Variants in FAT3 observed in about 807,000 individuals in gnomAD.
FAT3 encodes the protein protocadherin Fat 3.
Under a neutral mutation model 310.2 loss-of-function variants are expected in FAT3, and 95 were observed. That is an observed-to-expected ratio of 0.31 (90% CI 0.26 to 0.36). The LOEUF is 0.36. FAT3 is among the 10% of genes least tolerant of loss of function. FAT3 has a pLI of 1.00. For synonymous variants in FAT3, 2,314 were observed against 2,192.9 expected, an observed-to-expected ratio of 1.06 and a Z score of -1.54; for missense variants, 5,408 against 5,715.6, an observed-to-expected ratio of 0.95 and a Z score of 1.74.
chr11:92,722,421 G>T (rs1338289893), intron 4 of FAT3, among the ~76,000 whole-genome samples: 1 of 152,196 alleles, frequency 6.6e-6, no homozygotes, highest in African/African-American at 2.4e-5. Context: ...CTGTGGCTTT[G>T]CAGGGTACAG....
At chr11:92,621,452 G>T (rs1941083294) in intron 3 of FAT3, among the ~76,000 whole-genome samples, 1 of 152,154 alleles carries the variant, frequency 6.6e-6, no homozygotes, top group South Asian at 2.1e-4. Flanking sequence ...TCCTCCTTGA[G>T]ATGTTAAAGC....
At position 92,595,633 on chromosome 11, in the gene FAT3, C is replaced by G. The variant is rs531793087; in HGVS notation, c.3607+70685C>G. Among the ~76,000 whole-genome samples the G allele has an allele frequency of 3.3e-5, 5 of 152,248 alleles. No individual in the cohort carries two copies. In the South Asian group the frequency reaches 1.0e-3, roughly 32 times the overall value. ...CACATAATGAAGTAATAATTAAGTC[C>G]TTTATAAAGGCAAGCTTATTCCCAC... On this transcript the variant is annotated intron_variant, in intron 3 of 27. Coordinates refer to ENST00000525166, the MANE Select transcript of FAT3 (RefSeq NM_001367949.2).
At chr11:92,266,023 T>G in intron 1 of FAT3, among the ~76,000 whole-genome samples, 1 of 152,180 alleles carries the variant, frequency 6.6e-6, no homozygotes, top group South Asian at 2.1e-4. Flanking sequence ...TGAACTTAAC[T>G]TTAACATTTG....
chr11:92,249,367 A>G (rs1456988752), intron 1 of FAT3, among the ~76,000 whole-genome samples: 1 of 152,074 alleles, frequency 6.6e-6, no homozygotes, highest in Non-Finnish European at 1.5e-5. Flanking sequence ...TGCAATCTGA[A>G]ATATGTCTCT....
At chr11:92,542,095 C>T (rs1954466253) in intron 3 of FAT3, among the ~76,000 whole-genome samples, 1 of 151,930 alleles carries the variant, frequency 6.6e-6, no homozygotes, top group African/African-American at 2.4e-5. Flanking sequence ...AGAAAGGACA[C>T]CCTCTTAAGT....
intron 2 of FAT3, among the ~76,000 whole-genome samples, chr11:92,368,673 T>C (rs1321947451): frequency 6.6e-6 from 1 of 152,090 alleles, no homozygotes; most frequent in Non-Finnish European, 1.5e-5. Flanking sequence ...CTGCTGTAAT[T>C]CTAGTGCCAC....
chr11:92,270,687 A>G (rs966248911), intron 1 of FAT3, among the ~76,000 whole-genome samples: 1 of 151,764 alleles, frequency 6.6e-6, no homozygotes, highest in African/African-American at 2.4e-5. Flanking sequence ...ACTTCACCTC[A>G]ATAAATAAAT....
intron 1 of FAT3, among the ~76,000 whole-genome samples, chr11:92,228,973 T>G (rs1864034184): frequency 6.6e-6 from 1 of 152,324 alleles, no homozygotes; most frequent in Non-Finnish European, 1.5e-5. Flanking sequence ...CTTTGATTGC[T>G]GAAGAAGGAC....
At chr11:92,316,802 T>C (rs566779994) in intron 1 of FAT3, among the ~76,000 whole-genome samples, 2 of 152,346 alleles carry the variant, frequency 1.3e-5, no homozygotes, top group South Asian at 2.1e-4. Flanking sequence ...TGCTGGGTAT[T>C]GAGCTCAGTA....
chr11:92,758,616 A>C (rs1461387001), intron 4 of FAT3, among the ~76,000 whole-genome samples: 1 of 152,230 alleles, frequency 6.6e-6, no homozygotes, highest in Non-Finnish European at 1.5e-5. Flanking sequence ...GGAGCCCCTG[A>C]AGAGTATTAC....
chr11:92,706,602 T>A (rs958386414), intron 4 of FAT3, among the ~76,000 whole-genome samples: 2 of 152,194 alleles, frequency 1.3e-5, no homozygotes, highest in Non-Finnish European at 2.9e-5. Flanking sequence ...TCATTTTTTT[T>A]AAAACACTGT....
At chr11:92,490,619 A>G (rs1307955161) in intron 2 of FAT3, among the ~76,000 whole-genome samples, 1 of 152,058 alleles carries the variant, frequency 6.6e-6, no homozygotes, top group Non-Finnish European at 1.5e-5. Flanking sequence ...TCTAATTCAA[A>G]TCATCCTCCC....
At chr11:92,794,883 C>T (rs996945822) in intron 9 of FAT3, among the ~76,000 whole-genome samples, 19 of 152,228 alleles carry the variant, frequency 1.2e-4, no homozygotes, top group Admixed American at 5.9e-4. Flanking sequence ...GAGCAAGTTT[C>T]TTCCCAGTTG....
At chr11:92,818,983 C>G (rs1947892321) in intron 13 of FAT3, among the ~76,000 whole-genome samples, 1 of 152,238 alleles carries the variant, frequency 6.6e-6, no homozygotes, top group Non-Finnish European at 1.5e-5. Context: ...ATAACATCTG[C>G]TTTCAGAGCT....
rs1948626761 is a variant in FAT3, at chr11:92,844,266, G to T, written c.10899G>T (p.Val3633=). The T allele has an allele frequency of 6.2e-7, 1 of 1,614,006 alleles. No individual in the cohort carries two copies. Among genetic ancestry groups the T allele is most frequent in the Non-Finnish European group, 8.5e-7 (1 of 1,179,906 alleles). ...GTCGCTTCCAGGTACCCATTGATGT[G>T]GTCGTGCATGTGGAGCAGTTGGTGC... is the stretch of plus-strand genomic sequence containing the variant. ...SDGRFQVPID[V]VVHVEQLVHE... is the part of the protein sequence containing the mutation. Residue 3633 remains valine, a synonymous_variant, in exon 19 of 28, where the codon GTG becomes GTT. Transcript: ENST00000525166.
At position 92,373,129 on chromosome 11, in the gene FAT3, C is replaced by T. The variant is rs147146367; in HGVS notation, c.3292+17725C>T. On this transcript the variant is annotated intron_variant, in intron 2 of 27. Coordinates refer to ENST00000525166, the MANE Select transcript of FAT3 (RefSeq NM_001367949.2). ...TAATCTGCTGGACTTATTTTTCCAT[C>T]GTCCTTCCTAGTCACAATCATCTTT... Among the ~76,000 whole-genome samples the T allele has an allele frequency of 7.4e-4, 113 of 152,260 alleles. No individual in the cohort carries two copies. The East Asian group carries it at 0.013, about 18-fold the overall frequency.
chr11:92,249,605 G>T (rs1209029202), intron 1 of FAT3, among the ~76,000 whole-genome samples: 2 of 152,076 alleles, frequency 1.3e-5, no homozygotes, highest in African/African-American at 4.8e-5. Context: ...AGACTTGAGA[G>T]TGCTGGGAAA....
intron 4 of FAT3, among the ~76,000 whole-genome samples, chr11:92,716,480 G>C (rs936245046): frequency 3.9e-5 from 6 of 151,972 alleles, no homozygotes; most frequent in African/African-American, 1.4e-4. Flanking sequence ...TTCCATAAGA[G>C]TTTTCTGGAA....
chr11:92,520,183 A>G (rs1451165886), intron 2 of FAT3, among the ~76,000 whole-genome samples: 3 of 152,134 alleles, frequency 2.0e-5, no homozygotes, highest in Non-Finnish European at 4.4e-5. Flanking sequence ...TGTTATACAC[A>G]AAATAACATG....
Sources: allele counts gnomAD v4.1 joint callset (sites outside exome capture counted in the v4.1 genomes callset), GRCh38; gene constraint gnomAD v4.1.1; transcripts MANE v1.5; gene names NCBI Gene and HGNC (gene_info 2026-07-23, HGNC 2026-07-21).